Variants in ADGRB2 observed in about 807,000 individuals in gnomAD.
ADGRB2 encodes the protein brain-specific angiogenesis inhibitor 2.
In ADGRB2, 47 loss-of-function variants were observed where a neutral mutation model predicts 178.7. The observed-to-expected ratio is 0.26, with a 90% CI of 0.21 to 0.34. The LOEUF (loss-of-function observed/expected upper bound fraction) is 0.34, where lower values mean the gene tolerates loss of function less well. ADGRB2 is among the 10% of genes least tolerant of loss of function. ADGRB2 has a pLI of 1.00. For synonymous variants in ADGRB2, 870 were observed against 912.4 expected, an observed-to-expected ratio of 0.95 and a Z score of 0.84; for missense variants, 1,584 against 2,180.8, an observed-to-expected ratio of 0.73 and a Z score of 5.45.
intron 7 of ADGRB2, 80 bp from the exon 8 acceptor site, chr1:31,742,297 C>T: frequency 6.6e-7 from 1 of 1,511,362 alleles, no homozygotes; most frequent in South Asian, 1.3e-5. Context: ...ACAGGAAGAC[C>T]CAGAGCCTGC....
rs1557728444 is a variant in ADGRB2, at chr1:31,728,847, C to CGT, written c.4381-216_4381-215dup. On this transcript the variant is annotated intron_variant, in intron 29 of 32. Transcript: ENST00000373658. The surrounding 1 kb of genome is among the most constrained non-coding windows in gnomAD (Gnocchi z 6.7). ...ACACACACACACACACACACACACACGTCAAATGGCATGGTGCGGACTTCC... is the reference window on the plus strand; with the variant it reads ...ACACACACACACACACACACACACACGTGTCAAATGGCATGGTGCGGACTTCC... Among the ~76,000 whole-genome samples the CGT allele has an allele frequency of 2.0e-5, 3 of 149,534 alleles. No individual in the cohort carries two copies. The highest frequency in any genetic ancestry group is 7.5e-5 in the African/African-American group (3 of 39,892).
chr1:31,763,071 G>A (rs1332068002), intron 1 of ADGRB2, among the ~76,000 whole-genome samples: 1 of 152,226 alleles, frequency 6.6e-6, no homozygotes, highest in Non-Finnish European at 1.5e-5. Context: ...GGGTGCGTCT[G>A]GTGCCCAGCT....
At chr1:31,743,049 CCCA>C (rs1646068917) in intron 6 of ADGRB2, 47 bp from the exon 7 acceptor site, 2 of 1,358,230 alleles carry the variant, frequency 1.5e-6, no homozygotes. Context: ...CATGGCCCCG[CCCA>C]CCACCGGCGC....
Position 31,735,037 on chromosome 1 carries a change from T to C in ADGRB2, c.3452+146A>G. On this transcript the variant is annotated intron_variant, in intron 25 of 32. Transcript: ENST00000373658. This position sits in a 1 kb window ranked among gnomAD's most constrained non-coding sequence, Gnocchi z 6.0. Reference sequence around the variant, plus strand: ...GCCTTGGCCACCTCTTGCCGAGCCCTTGAGAGTGTGTGGTGGCTGGCAGGA... The same window carrying C: ...GCCTTGGCCACCTCTTGCCGAGCCCCTGAGAGTGTGTGGTGGCTGGCAGGA... 1 of 817,772 alleles carries C rather than the reference T, an allele frequency of 1.2e-6. No individual in the cohort carries two copies. The highest frequency in any genetic ancestry group is 2.9e-5 in the East Asian group (1 of 34,776). The allele number at this position is 817,772 out of a possible 1,614,324, so 50.7% of individuals were successfully genotyped here. A position where few individuals can be genotyped will look rare whatever the true frequency, so the allele number is the denominator to read the frequency against.
rs1645808825 is a variant in ADGRB2, at chr1:31,739,393, G to A, written c.2410C>T (p.Leu804Phe). Residue 804 changes from leucine to phenylalanine, a missense_variant, in exon 15 of 33, where the codon CTC becomes TTC. Leu to Phe is a conservative substitution (Grantham distance 22, BLOSUM62 0). Around this residue, in one of 3 missense-constraint regions of ADGRB2, gnomAD observed 865 missense variants for 1,192.8 expected, o/e 0.73. Coordinates refer to ENST00000373658, the MANE Select transcript of ADGRB2 (RefSeq NM_001364857.2). ...GAGGACTCATCAGGGTCTGCTGGGA[G>A]GAGGCGCTGGTGGGAGTGGCCTGGG... is the stretch of plus-strand genomic sequence containing the variant. Reference protein sequence around the residue: ...PGPGHSHQRLLPADPDESSYF... With the variant: ...PGPGHSHQRLFPADPDESSYF... 1 of 1,545,554 alleles carries A rather than the reference G, an allele frequency of 6.5e-7. No individual in the cohort carries two copies. Among genetic ancestry groups the A allele is most frequent in the Admixed American group, 2.0e-5 (1 of 50,580 alleles).
rs1329360693 is a variant in ADGRB2, at chr1:31,740,015, T to C, written c.2078A>G (p.His693Arg). 6.2e-7 allele frequency: 1 copy of C among 1,614,002 alleles called. No individual in the cohort carries two copies. The highest frequency in any genetic ancestry group is 8.5e-7 in the Non-Finnish European group (1 of 1,180,016). The part of the protein sequence containing the change: ...DAQQVSPGSV[H>R]LLRVVEDFIH... Reference sequence around the variant, plus strand: ...GAAGTCCTCCACGACACGGAGCAGGTGCACAGAGCCAGGGGACACCTGGGG... The same window carrying C: ...GAAGTCCTCCACGACACGGAGCAGGCGCACAGAGCCAGGGGACACCTGGGG... Residue 693 changes from histidine (H) to arginine (R), a missense_variant, in exon 14 of 33, where the codon CAC (histidine) becomes CGC (arginine). This residue lies in a region of ADGRB2 where 62 missense variants were observed against 140.3 expected (regional missense o/e 0.44). Transcript: ENST00000373658. The surrounding 1 kb of genome is among the most constrained non-coding windows in gnomAD (Gnocchi z 5.9).
At position 31,727,497 on chromosome 1, in the gene ADGRB2, C is replaced by T; in HGVS notation, c.4681G>A (p.Glu1561Lys). 6.3e-7 allele frequency: 1 copy of T among 1,596,414 alleles called. No homozygotes were observed. The highest frequency in any genetic ancestry group is 8.5e-7 in the Non-Finnish European group (1 of 1,175,174). Residue 1561 changes from glutamate to lysine, a missense_variant, in exon 33 of 33, where the codon GAA (glutamate) becomes AAA (lysine). Physicochemically the swap from Glu to Lys is moderately conservative, Grantham distance 56 (BLOSUM62 1). Around this residue, in one of 3 missense-constraint regions of ADGRB2, gnomAD observed 865 missense variants for 1,192.8 expected, o/e 0.73. Transcript: ENST00000373658. The surrounding 1 kb of genome is among the most constrained non-coding windows in gnomAD (Gnocchi z 4.4). Reference sequence around the variant, plus strand: ...GCTGCCCGGTGCAGAGTCAGCCGTTCTCGGGGCTTGGGGGGCAGCGAGCCC... The same window carrying T: ...GCTGCCCGGTGCAGAGTCAGCCGTTTTCGGGGCTTGGGGGGCAGCGAGCCC... ...TLGSLPPKPR[E>K]RLTLHRAAAW... is the part of the protein sequence containing the mutation.
Position 31,756,335 on chromosome 1 carries a change from C to T in ADGRB2, c.502G>A (p.Glu168Lys), listed in dbSNP as rs773280182. 9 of 1,612,818 alleles carry T rather than the reference C, an allele frequency of 5.6e-6. No homozygotes were observed. The highest frequency in any genetic ancestry group is 1.3e-5 in the African/African-American group (1 of 74,944). ...VQLCLSAEPS[E>K]APRLLAPAAL... is the part of the protein sequence containing the mutation. The stretch of plus-strand genomic sequence containing the variant: ...GCGGGCGCCAGCAGGCGCGGGGCCT[C>T]GGAGGGCTCAGCCGACAGGCACAGC... The change falls in exon 4 of 33, where the codon GAG becomes AAG. Residue 168 changes from glutamate (E) to lysine (K), a missense_variant. Glu to Lys is a moderately conservative substitution (Grantham distance 56, BLOSUM62 1). This residue lies in a region of ADGRB2 where 657 missense variants were observed against 847.6 expected (regional missense o/e 0.78). Coordinates refer to ENST00000373658, the MANE Select transcript of ADGRB2 (RefSeq NM_001364857.2). The surrounding 1 kb of genome is among the most constrained non-coding windows in gnomAD (Gnocchi z 8.5).
chr1:31,728,239 G>T lies in ADGRB2; in HGVS notation c.4458C>A (p.His1486Gln), dbSNP rs143976016. The T allele has an allele frequency of 5.0e-6, 8 of 1,614,028 alleles. No homozygotes were observed. In the East Asian group the frequency reaches 1.8e-4, roughly 36 times the overall value. Residue 1486 changes from histidine (H) to glutamine (Q), a missense_variant, in exon 31 of 33, where the codon CAC becomes CAA. Physicochemically the swap from His to Gln is conservative, Grantham distance 24. Transcript: ENST00000373658. The surrounding 1 kb of genome is among the most constrained non-coding windows in gnomAD (Gnocchi z 6.7). ...HTRKRHSELY[H>Q]ELNQKFHTFD... is the part of the protein sequence containing the mutation. ...AAGTGTGGAACTTCTGGTTGAGCTC[G>T]TGGTAGAGTTCTGAATGCCGTTTCC...
In ADGRB2 at chr1:31,759,324, A is replaced by G; in HGVS notation, c.-190-1813T>C. 1.3e-6 allele frequency: 1 copy of G among 779,674 alleles called. No homozygotes were observed. The highest frequency in any genetic ancestry group is 2.4e-6 in the Non-Finnish European group (1 of 417,956). 48.3% of individuals were successfully genotyped at this position (779,674 alleles called of 1,614,324 possible). On this transcript the variant is annotated intron_variant, in intron 1 of 32. Coordinates refer to ENST00000373658, the MANE Select transcript of ADGRB2 (RefSeq NM_001364857.2). The surrounding 1 kb of genome is among the most constrained non-coding windows in gnomAD (Gnocchi z 4.3). The stretch of plus-strand genomic sequence containing the variant: ...GCATTCTCGACTGAGAACACACATG[A>G]GTATCTGGCCCTCTGAGGCTCAGCA...
rs745413311 is a variant in ADGRB2, at chr1:31,738,224, T to C, written c.2748A>G (p.Val916=). ...CCAGGTCCTTGGGCGGCTGGGCTAG[T>C]ACAGCAAAGGTGGACAGGTGCTGGC... ...CQCQHLSTFA[V]LAQPPKDLTL... The change falls in exon 18 of 33, where the codon GTA becomes GTG. Residue 916 remains valine (V), a synonymous_variant. Transcript: ENST00000373658. The C allele has an allele frequency of 1.2e-6, 2 of 1,614,142 alleles. No individual in the cohort carries two copies. Among genetic ancestry groups the C allele is most frequent in the Non-Finnish European group, 1.7e-6 (2 of 1,180,016 alleles).
Position 31,756,535 on chromosome 1 carries a change from T to G in ADGRB2, c.302A>C (p.Asp101Ala). The change falls in exon 4 of 33, where the codon GAC becomes GCC. Residue 101 changes from aspartate to alanine, a missense_variant. Asp to Ala is a moderately radical substitution (Grantham distance 126). Transcript: ENST00000373658. This position sits in a 1 kb window ranked among gnomAD's most constrained non-coding sequence, Gnocchi z 8.5. Reference sequence around the variant, plus strand: ...GCAGGTAAAGTTGACCAGGTAGTGGTCCAGGGGCAGCAGGCGGGGGGCAAA... The same window carrying G: ...GCAGGTAAAGTTGACCAGGTAGTGGGCCAGGGGCAGCAGGCGGGGGGCAAA... Reference protein sequence around the residue: ...AHFAPRLLPLDHYLVNFTCLR... With the variant: ...AHFAPRLLPLAHYLVNFTCLR... 6.2e-7 allele frequency: 1 copy of G among 1,613,162 alleles called. No individual in the cohort carries two copies. The highest frequency in any genetic ancestry group is 8.5e-7 in the Non-Finnish European group (1 of 1,179,624).
chr1:31,737,514 C>T lies in ADGRB2; in HGVS notation c.2894G>A (p.Arg965His), dbSNP rs1289745179. 2.5e-6 allele frequency: 4 copies of T among 1,614,026 alleles called. No individual in the cohort carries two copies. Among genetic ancestry groups the T allele is most frequent in the African/African-American group, 1.3e-5 (1 of 74,916 alleles). The change falls in exon 20 of 33, where the codon CGC becomes CAC. Residue 965 changes from arginine (R) to histidine (H), a missense_variant. By Grantham distance (29) the Arg-to-His change is conservative. This residue lies in a region of ADGRB2 where 865 missense variants were observed against 1,192.8 expected (regional missense o/e 0.73). Coordinates refer to ENST00000373658, the MANE Select transcript of ADGRB2 (RefSeq NM_001364857.2). ...AAFWRFIKSE[R>H]SIILLNFCLS... ...GCAGAAGTTCAGCAAGATGATGGAG[C>T]GTTCAGATTTTATGAACCTGCCGGG...
intron 21 of ADGRB2, 40 bp from the exon 22 acceptor site, chr1:31,736,430 C>A: frequency 1.2e-6 from 2 of 1,610,594 alleles, no homozygotes; most frequent in South Asian, 1.1e-5. Context: ...GGTTGCTGGT[C>A]TTCAGGGACC....
Position 31,733,018 on chromosome 1 carries a change from G to A in ADGRB2, c.3578C>T (p.Ala1193Val), listed in dbSNP as rs201556659. The A allele has an allele frequency of 1.6e-4, 259 of 1,570,012 alleles. 1 individual carries two copies. Among genetic ancestry groups the A allele is most frequent in the Non-Finnish European group, 1.5e-4 (169 of 1,157,818 alleles). The change falls in exon 26 of 33, where the codon GCG becomes GTG. Residue 1193 changes from alanine to valine, a missense_variant. Around this residue, in one of 3 missense-constraint regions of ADGRB2, gnomAD observed 865 missense variants for 1,192.8 expected, o/e 0.73. Transcript: ENST00000373658. The surrounding 1 kb of genome is among the most constrained non-coding windows in gnomAD (Gnocchi z 4.3). ...CACAGCAGTGATGACAAAGCCCTGC[G>A]CGGAGTTGAAGACAGCAAAGAGGGC... ...FQALFAVFNSAQGFVITAVHC... is the reference protein window; with the variant it reads ...FQALFAVFNSVQGFVITAVHC...
chr1:31,738,749 G>T, intron 16 of ADGRB2, 83 bp downstream of exon 16: 1 of 1,593,814 alleles, frequency 6.3e-7, no homozygotes, highest in Non-Finnish European at 8.6e-7. Flanking sequence ...CCCACCATCA[G>T]GGACAGAGTG....
rs757040319 is a variant in ADGRB2, at chr1:31,741,598, G to A, written c.1687+26C>T. 3 of 1,609,138 alleles carry A rather than the reference G, an allele frequency of 1.9e-6. No individual in the cohort carries two copies. In the African/African-American group the frequency reaches 4.0e-5, roughly 22 times the overall value. On this transcript the variant is annotated intron_variant, in intron 10 of 32. Coordinates refer to ENST00000373658, the MANE Select transcript of ADGRB2 (RefSeq NM_001364857.2). The surrounding 1 kb of genome is among the most constrained non-coding windows in gnomAD (Gnocchi z 6.5). ...CAATGAGAATGGCAGGGGTGGTGGT[G>A]GTGGGGAAAGCCACCTGCCCCTTAC...
rs1646854322 is a variant in ADGRB2, at chr1:31,756,730, G to T, written c.107C>A (p.Ala36Asp). 1 of 1,585,260 alleles carries T rather than the reference G, an allele frequency of 6.3e-7. No individual in the cohort carries two copies. Among genetic ancestry groups the T allele is most frequent in the Non-Finnish European group, 8.6e-7 (1 of 1,166,832 alleles). The change falls in exon 4 of 33, where the codon GCC becomes GAC. Residue 36 changes from alanine (A) to aspartate (D), a missense_variant. By Grantham distance (126) the Ala-to-Asp change is moderately radical. This residue lies in a region of ADGRB2 where 657 missense variants were observed against 847.6 expected (regional missense o/e 0.78). Transcript: ENST00000373658. This position sits in a 1 kb window ranked among gnomAD's most constrained non-coding sequence, Gnocchi z 8.5. ...GGCCAGGGCAGAGCAGGCACTGGGG[G>T]CGGGGTCGAAGGCGGTGGCCAGGCG... ...SLRLATAFDPAPSACSALASG... is the reference protein window; with the variant it reads ...SLRLATAFDPDPSACSALASG...
Position 31,764,158 on chromosome 1 carries a change from C to A in ADGRB2, c.-465G>T. On this transcript the variant is annotated 5_prime_UTR_variant, in exon 1 of 33. Coordinates refer to ENST00000373658, the MANE Select transcript of ADGRB2 (RefSeq NM_001364857.2). This position sits in a 1 kb window ranked among gnomAD's most constrained non-coding sequence, Gnocchi z 7.3. ...TGCCGCGCCGCCCCCCGCTCCCCCG[C>A]TCCCCCGCCCCGAGCACCGCCCGCG... The A allele has an allele frequency of 1.6e-6, 1 of 642,758 alleles. No individual in the cohort carries two copies. The highest frequency in any genetic ancestry group is 1.9e-6 in the Non-Finnish European group (1 of 520,692). 39.8% of individuals were successfully genotyped at this position (642,758 alleles called of 1,614,324 possible).
Sources: allele counts gnomAD v4.1 joint callset (sites outside exome capture counted in the v4.1 genomes callset), GRCh38; gene constraint gnomAD v4.1.1; regional missense constraint gnomAD v4.1.1; non-coding constraint Gnocchi (gnomAD v3.1); transcripts MANE v1.5; gene names NCBI Gene and HGNC (gene_info 2026-07-23, HGNC 2026-07-21).